The following RBPJ variants were observed in gnomAD, a reference collection of about 807,000 sequenced individuals.
The protein encoded by RBPJ is recombination signal binding protein for immunoglobulin kappa J region.
In RBPJ, 9 loss-of-function variants were observed where a neutral mutation model predicts 67.8. That is an observed-to-expected ratio of 0.13 (90% CI 0.08 to 0.23). The LOEUF (loss-of-function observed/expected upper bound fraction) is 0.23. Among genes scored for constraint, RBPJ ranks in the 10% least tolerant of loss-of-function variants. The pLI is 1.00. For synonymous variants in RBPJ, 198 were observed against 203.3 expected (o/e 0.97, Z 0.22); for missense variants, 305 against 595.6 (o/e 0.51, Z 5.08).
the RBPJ span, among the ~76,000 whole-genome samples, chr4:26,157,245 C>T: frequency 6.6e-6 from 1 of 152,118 alleles, no homozygotes; most frequent in Admixed American, 6.6e-5. Context: ...GCCTGGGCAA[C>T]TCATAATGAG....
At chr4:26,130,490 T>C in the RBPJ span, among the ~76,000 whole-genome samples, 2 of 152,168 alleles carry the variant, frequency 1.3e-5, no homozygotes, top group African/African-American at 4.8e-5. Flanking sequence ...TCCTCAGGTC[T>C]CCCCTGCCTG....
chr4:26,240,425 T>G (rs957617578), intron 1 of RBPJ, among the ~76,000 whole-genome samples: 10 of 152,226 alleles, frequency 6.6e-5, no homozygotes, highest in Non-Finnish European at 1.3e-4. Context: ...TATGAATTAA[T>G]CTGGGACAGA....
At chr4:26,315,978 G>A (rs760111683), upstream of RBPJ, among the ~76,000 whole-genome samples, 7 of 152,078 alleles carry the variant, frequency 4.6e-5, no homozygotes, top group East Asian at 1.9e-4. Flanking sequence ...CCCTAAAATC[G>A]TTGTTATTCC....
At chr4:26,268,031 G>A (rs1577373081) in intron 1 of RBPJ, among the ~76,000 whole-genome samples, 1 of 151,898 alleles carries the variant, frequency 6.6e-6, no homozygotes, top group Admixed American at 6.6e-5. Context: ...TTTTTTTAAG[G>A]TATAAGCTTT....
At chr4:26,369,940 C>T (rs1037776391) in intron 1 of RBPJ, among the ~76,000 whole-genome samples, 9 of 152,130 alleles carry the variant, frequency 5.9e-5, no homozygotes, top group Non-Finnish European at 1.5e-5. Flanking sequence ...GTTTGCTGTA[C>T]ATTCTGCCTG....
At chr4:26,218,676 C>T (rs975027466) in intron 1 of RBPJ, among the ~76,000 whole-genome samples, 1 of 152,196 alleles carries the variant, frequency 6.6e-6, no homozygotes, top group African/African-American at 2.4e-5. Flanking sequence ...CATACCCCCT[C>T]GGCCTCGCCA....
chr4:26,316,594 TAA>T (rs1560258575), upstream of RBPJ, among the ~76,000 whole-genome samples: 1 of 134,424 alleles, frequency 7.4e-6, no homozygotes, highest in Non-Finnish European at 1.6e-5. Flanking sequence ...TTCATATATA[TAA>T]TATATATATA....
intron 1 of RBPJ, among the ~76,000 whole-genome samples, chr4:26,374,595 C>G (rs1365136122): frequency 6.6e-6 from 1 of 151,946 alleles, no homozygotes; most frequent in Non-Finnish European, 1.5e-5. Flanking sequence ...CCTGCCTCAG[C>G]CTCCCGAGTA....
At chr4:26,113,336 T>C in the RBPJ span, 4 of 532,992 alleles carry the variant, frequency 7.5e-6, no homozygotes, top group African/African-American at 3.8e-5. Flanking sequence ...ATGTGGTGAA[T>C]GTGGGAAAAC....
intron 1 of RBPJ, among the ~76,000 whole-genome samples, chr4:26,369,539 A>T (rs989279879): frequency 1.3e-5 from 2 of 152,210 alleles, no homozygotes; most frequent in African/African-American, 4.8e-5. Flanking sequence ...ATGTGGAAAG[A>T]GTTTATGTAA....
intron 1 of RBPJ, among the ~76,000 whole-genome samples, chr4:26,180,185 G>A (rs556215284): frequency 3.6e-4 from 55 of 152,198 alleles, no homozygotes; most frequent in African/African-American, 5.1e-4. Context: ...GGTGGAGGGC[G>A]GGAGAAGGGG....
intron 1 of RBPJ, among the ~76,000 whole-genome samples, chr4:26,275,099 A>G (rs1234752350): frequency 6.6e-6 from 1 of 152,140 alleles, no homozygotes; most frequent in Non-Finnish European, 1.5e-5. Flanking sequence ...GACTAGTGAG[A>G]TGTCATCGTC....
At position 26,424,343 on chromosome 4, in the gene RBPJ, A is replaced by G; in HGVS notation, c.498A>G (p.Leu166=). 2 of 1,613,508 alleles carry G rather than the reference A, an allele frequency of 1.2e-6. No individual in the cohort carries two copies. Among genetic ancestry groups the G allele is most frequent in the Middle Eastern group, 1.8e-4 (1 of 5,618 alleles). ...ATAAGAGCTGTTTTTTCTTTGCAGTATGCATTGCCTCAGGAACAAAGGTGG... is the reference window on the plus strand; with the variant it reads ...ATAAGAGCTGTTTTTTCTTTGCAGTGTGCATTGCCTCAGGAACAAAGGTGG... The part of the protein sequence containing the change: ...KKKQSLKNAD[L]CIASGTKVAL... Residue 166 remains leucine (L), a splice_region_variant and synonymous_variant, in exon 6 of 11, where the codon TTA becomes TTG. Transcript: ENST00000355476. This position sits in a 1 kb window ranked among gnomAD's most constrained non-coding sequence, Gnocchi z 5.3.
chr4:26,327,817 CCTGGGTGACAGAG>C (rs907195171), intron 1 of RBPJ, among the ~76,000 whole-genome samples: 1 of 151,850 alleles, frequency 6.6e-6, no homozygotes, highest in Non-Finnish European at 1.5e-5. Context: ...TGTACTCCAG[CCTGGGTGACAGAG>C]AAAGACCCTG....
At chr4:26,248,542 G>A (rs911372334) in intron 1 of RBPJ, among the ~76,000 whole-genome samples, 1 of 152,130 alleles carries the variant, frequency 6.6e-6, no homozygotes, top group Non-Finnish European at 1.5e-5. Context: ...AAGAGTATTT[G>A]CTCTTGAACA....
In RBPJ at chr4:26,248,334, C is replaced by T. The variant is rs187907985; in HGVS notation, c.-167+84720C>T. The stretch of plus-strand genomic sequence containing the variant: ...CAATAAAATATACCCAGTCATTCTG[C>T]CAATTATCTCTTGGTTTCATATTTT... On this transcript the variant is annotated intron_variant, in intron 1 of 4. Transcript: ENST00000512351. Among the ~76,000 whole-genome samples, 4 of 152,174 alleles carry T rather than the reference C, an allele frequency of 2.6e-5. No homozygotes were observed. The East Asian group carries it at 7.7e-4, about 29-fold the overall frequency.
At chr4:26,304,469 G>T (rs1349222373) in intron 1 of RBPJ, among the ~76,000 whole-genome samples, 1 of 152,202 alleles carries the variant, frequency 6.6e-6, no homozygotes, top group Non-Finnish European at 1.5e-5. Flanking sequence ...ATCAATGTAT[G>T]AGGGTTTCAA....
At chr4:26,127,798 A>T in the RBPJ span, among the ~76,000 whole-genome samples, 7 of 152,312 alleles carry the variant, frequency 4.6e-5, no homozygotes, top group Middle Eastern at 3.4e-3. Context: ...CAGAGACATG[A>T]GATAAATCAT....
intron 1 of RBPJ, among the ~76,000 whole-genome samples, chr4:26,350,836 G>A (rs1204793229): frequency 1.3e-5 from 2 of 152,158 alleles, no homozygotes; most frequent in Non-Finnish European, 2.9e-5. Context: ...TTAGGTATGA[G>A]GTTGTGAGAT....
Sources: allele counts gnomAD v4.1 joint callset (sites outside exome capture counted in the v4.1 genomes callset), GRCh38; gene constraint gnomAD v4.1.1; non-coding constraint Gnocchi (gnomAD v3.1); transcripts MANE v1.5; gene names NCBI Gene and HGNC (gene_info 2026-07-23, HGNC 2026-07-21).